The following CWC22 variants were observed in gnomAD, a reference collection of about 807,000 sequenced individuals.
CWC22 encodes the protein pre-mRNA-splicing factor CWC22 homolog.
Under a neutral mutation model 117.2 loss-of-function variants are expected in CWC22, and 53 were observed. The ratio of observed to expected loss-of-function variants is 0.45; its 90% CI spans 0.36 to 0.57. The LOEUF (loss-of-function observed/expected upper bound fraction) is 0.57, where lower values mean the gene tolerates loss of function less well. Ranked by LOEUF, CWC22 falls within the 20% of genes least tolerant of loss-of-function variation. CWC22 has a pLI of 0.00. For synonymous variants in CWC22, 360 were observed against 355.6 expected, an observed-to-expected ratio of 1.01 and a Z score of -0.14; for missense variants, 980 against 1,068.8, an observed-to-expected ratio of 0.92 and a Z score of 1.16.
rs1575647174 is a variant in CWC22 at position 179,970,820 on chromosome 2, G to C, written c.977C>G (p.Ser326Cys). 2 of 1,613,588 alleles carry C rather than the reference G, an allele frequency of 1.2e-6. No individual in the cohort carries two copies. Among genetic ancestry groups the C allele is most frequent in the Non-Finnish European group, 8.5e-7 (1 of 1,179,730 alleles). ...ATATTGAACTCTTTTGTCAATTTCAGACTCATGCAGAATGTTTCGAAGGCG... is the reference window on the plus strand; with the variant it reads ...ATATTGAACTCTTTTGTCAATTTCACACTCATGCAGAATGTTTCGAAGGCG... ...FERLRNILHE[S>C]EIDKRVQYMI... The change falls in exon 10 of 20, where the codon TCT (serine) becomes TGT (cysteine). Residue 326 changes from serine (S) to cysteine (C), a missense_variant. By Grantham distance (112) the Ser-to-Cys change is moderately radical. Transcript: ENST00000410053.
At chr2:179,948,614 C>A (rs1559283183) in intron 19 of CWC22, among the ~76,000 whole-genome samples, 1 of 152,130 alleles carries the variant, frequency 6.6e-6, no homozygotes, top group Non-Finnish European at 1.5e-5. Context: ...AAGAACAACA[C>A]ATTGTTTCTA....
chr2:179,989,770 A>G (rs1687515180), intron 2 of CWC22, among the ~76,000 whole-genome samples: 1 of 152,142 alleles, frequency 6.6e-6, no homozygotes, highest in Non-Finnish European at 1.5e-5. Context: ...ACTGGTCAAC[A>G]TTCAAATATC....
At chr2:179,967,231 T>C (rs1686914277) in intron 11 of CWC22, among the ~76,000 whole-genome samples, 1 of 152,238 alleles carries the variant, frequency 6.6e-6, no homozygotes, top group African/African-American at 2.4e-5. Flanking sequence ...CATTTTTTTA[T>C]GCCAGCTCTA....
intron 6 of CWC22, among the ~76,000 whole-genome samples, chr2:179,975,317 C>G (rs538015721): frequency 2.2e-4 from 33 of 152,184 alleles, no homozygotes; most frequent in Middle Eastern, 3.4e-3. Flanking sequence ...CCATATATGA[C>G]GAACCCATAG....
At chr2:179,971,651 A>T (rs1687036591) in intron 8 of CWC22, among the ~76,000 whole-genome samples, 1 of 152,162 alleles carries the variant, frequency 6.6e-6, no homozygotes, top group Non-Finnish European at 1.5e-5. Context: ...ATTAAATCAA[A>T]CTATTACTGG....
chr2:180,002,219 C>T (rs768810285), intron 1 of CWC22, among the ~76,000 whole-genome samples: 1 of 152,216 alleles, frequency 6.6e-6, no homozygotes, highest in African/African-American at 2.4e-5. Flanking sequence ...TAAGATATGA[C>T]TTACAAAGCT....
intron 11 of CWC22, 122 bp downstream of exon 11, chr2:179,970,379 T>A: frequency 3.8e-6 from 4 of 1,060,438 alleles, no homozygotes; most frequent in Non-Finnish European, 5.3e-6. Flanking sequence ...GCTAAGAGAA[T>A]AACTTTATAA....
At chr2:179,980,009 A>T (rs1687247837) in intron 5 of CWC22, among the ~76,000 whole-genome samples, 1 of 152,156 alleles carries the variant, frequency 6.6e-6, no homozygotes, top group African/African-American at 2.4e-5. Flanking sequence ...TGTATATAAA[A>T]TTATCTTAAA....
At chr2:179,955,222 T>C (rs955482834) in intron 14 of CWC22, among the ~76,000 whole-genome samples, 188 bp from the exon 15 acceptor site, 3 of 152,078 alleles carry the variant, frequency 2.0e-5, no homozygotes, top group Non-Finnish European at 2.9e-5. Flanking sequence ...TGGGTCTGGC[T>C]GACAGCTTCC....
chr2:179,986,236 C>T (rs1415330983), intron 4 of CWC22, among the ~76,000 whole-genome samples: 2 of 152,124 alleles, frequency 1.3e-5, no homozygotes, highest in Non-Finnish European at 2.9e-5. Context: ...TAGAAAAAAA[C>T]TACAAATTGG....
At chr2:180,001,605 C>T (rs1234188503) in intron 1 of CWC22, among the ~76,000 whole-genome samples, 3 of 152,320 alleles carry the variant, frequency 2.0e-5, no homozygotes, top group African/African-American at 7.2e-5. Context: ...GCTGGGATTC[C>T]AGGAGTGAGC....
At chr2:179,954,001 A>G (rs562083018) in intron 16 of CWC22, among the ~76,000 whole-genome samples, 19 of 152,278 alleles carry the variant, frequency 1.2e-4, no homozygotes, top group African/African-American at 4.6e-4. Context: ...GACTGTTAAT[A>G]TAATACAAAG....
chr2:179,945,149 A>T lies in CWC22; in HGVS notation c.2707T>A (p.Ser903Thr). The T allele has an allele frequency of 3.1e-6, 5 of 1,597,906 alleles. No individual in the cohort carries two copies. The highest frequency in any genetic ancestry group is 3.4e-6 in the Non-Finnish European group (4 of 1,175,058). ...TAGAATTATTTTTGTTTTGCTGGAG[A>T]CTTTTCTCTTCGCCGGTCCTGATTT... Reference protein sequence around the residue: ...KKNQDRRREKSPAKQK With the variant: ...KKNQDRRREKTPAKQK The change falls in exon 20 of 20, where the codon TCT (serine) becomes ACT (threonine). Residue 903 changes from serine (S) to threonine (T), a missense_variant. By Grantham distance (58) the Ser-to-Thr change is moderately conservative (BLOSUM62 1). Coordinates refer to ENST00000410053, the MANE Select transcript of CWC22 (RefSeq NM_020943.3).
At chr2:179,970,275 G>C (rs915665730) in intron 11 of CWC22, among the ~76,000 whole-genome samples, 5 of 152,114 alleles carry the variant, frequency 3.3e-5, no homozygotes, top group Admixed American at 3.3e-4. Flanking sequence ...GCATAGTTTA[G>C]AGGGAAAGAG....
At chr2:179,981,294 A>G (rs1231594515) in intron 5 of CWC22, among the ~76,000 whole-genome samples, 1 of 152,196 alleles carries the variant, frequency 6.6e-6, no homozygotes, top group East Asian at 1.9e-4. Context: ...AAGTAGCAAC[A>G]ACAGAGACAA....
chr2:179,982,463 T>C (rs1348336096), intron 4 of CWC22, among the ~76,000 whole-genome samples: 1 of 152,016 alleles, frequency 6.6e-6, no homozygotes, highest in East Asian at 1.9e-4. Flanking sequence ...ATGAAAAGAG[T>C]GTTTTAAGAA....
rs767807726 is a variant in CWC22 at position 179,973,648 on chromosome 2, G to C, written c.736C>G (p.Arg246Gly). 7 of 1,598,454 alleles carry C rather than the reference G, an allele frequency of 4.4e-6. No homozygotes were observed. The African/African-American group carries it at 8.1e-5, about 18-fold the overall frequency. Residue 246 changes from arginine (R) to glycine (G), a missense_variant, in exon 7 of 20, where the codon CGA (arginine) becomes GGA (glycine). Physicochemically the swap from Arg to Gly is moderately radical, Grantham distance 125. Coordinates refer to ENST00000410053, the MANE Select transcript of CWC22 (RefSeq NM_020943.3). ...TTCATATATACCTTGTCATTTCTTCGATAGCCTTTTCGAAAATTAAGAATT... is the reference window on the plus strand; with the variant it reads ...TTCATATATACCTTGTCATTTCTTCCATAGCCTTTTCGAAAATTAAGAATT... ...RLILNFRKGY[R>G]RNDKQLCLTA...
intron 4 of CWC22, among the ~76,000 whole-genome samples, chr2:179,985,820 G>GTATATATA (rs66496305): frequency 1.3e-5 from 2 of 151,018 alleles, no homozygotes; most frequent in African/African-American, 4.9e-5. Flanking sequence ...AAAAAACATA[G>GTATATATA]TATATATATA....
chr2:179,968,370 A>C lies in CWC22; in HGVS notation c.1210+2131T>G, dbSNP rs1455551851. Among the ~76,000 whole-genome samples the C allele has an allele frequency of 2.6e-5, 4 of 152,228 alleles. No individual in the cohort carries two copies. In the South Asian group the frequency reaches 8.3e-4, roughly 32 times the overall value. On this transcript the variant is annotated intron_variant, in intron 11 of 19. Transcript: ENST00000410053. ...GCTCCCTTTTTCTAACTACATATCTATCTGGGGCTAGATTTTCTTCACATA... is the reference window on the plus strand; with the variant it reads ...GCTCCCTTTTTCTAACTACATATCTCTCTGGGGCTAGATTTTCTTCACATA...
Sources: gnomAD v4.1 joint callset for allele counts (sites outside exome capture counted in the v4.1 genomes callset) on GRCh38, gnomAD v4.1.1 for gene constraint, MANE v1.5 for transcripts, NCBI Gene and HGNC (gene_info 2026-07-23, HGNC 2026-07-21) for gene names.